Variants in AHRR observed in about 807,000 individuals in gnomAD.
AHRR encodes the protein aryl hydrocarbon receptor repressor.
AHRR carries 28 observed loss-of-function variants against 44.0 expected under a neutral mutation model. That is an observed-to-expected ratio of 0.64 (90% CI 0.47 to 0.87). The LOEUF (loss-of-function observed/expected upper bound fraction) is 0.87, where lower values mean the gene tolerates loss of function less well. Among genes scored for constraint, AHRR ranks in the 40% least tolerant of loss-of-function variants. The probability of loss-of-function intolerance (pLI) is 0.00; values close to 1 mark genes in which losing one functional copy is unlikely to be tolerated. For missense variants in AHRR, 990 were observed against 953.9 expected (o/e 1.04, Z -0.50); for synonymous variants, 434 against 407.0 (o/e 1.07, Z -0.80).
chr5:425,555 ATACT>A (rs1398775023), intron 7 of AHRR, among the ~76,000 whole-genome samples: 9 of 152,354 alleles, frequency 5.9e-5, no homozygotes, highest in South Asian at 2.1e-4. Context: ...GGAAATTAAG[ATACT>A]TACTTTTATT....
intron 2 of AHRR, among the ~76,000 whole-genome samples, chr5:351,155 G>A (rs1323595433): frequency 2.6e-5 from 4 of 152,212 alleles, no homozygotes; most frequent in African/African-American, 7.2e-5. Flanking sequence ...ATTGCCGATG[G>A]GAAAGTAAAA....
At chr5:330,499 G>A (rs6866896) in intron 1 of AHRR, among the ~76,000 whole-genome samples, 14,859 of 151,906 alleles carry the variant, frequency 0.098, 2,328 homozygotes, top group African/African-American at 0.33. Flanking sequence ...TCAGCCTCCC[G>A]AGTAGCTAGG....
At chr5:330,764 G>A (rs1741881382) in intron 1 of AHRR, among the ~76,000 whole-genome samples, 1 of 151,988 alleles carries the variant, frequency 6.6e-6, no homozygotes, top group African/African-American at 2.4e-5. Flanking sequence ...CGTGATATGG[G>A]CCTTCTAGAA....
chr5:376,552 A>ATGAGAACCGTGGGGTGATCGCGGG, intron 3 of AHRR, 58 bp from the exon 4 acceptor site: 1 of 1,409,246 alleles, frequency 7.1e-7, no homozygotes, highest in Non-Finnish European at 9.6e-7. Context: ...ATGTGAATGA[A>ATGAGAACCGTGGGGTGATCGCGGG]GAAGAGTGGC....
intron 3 of AHRR, among the ~76,000 whole-genome samples, chr5:372,219 A>G (rs1402502258): frequency 6.6e-6 from 1 of 152,060 alleles, no homozygotes; most frequent in Non-Finnish European, 1.5e-5. Flanking sequence ...CTGCTGATCC[A>G]TCCCTTGGCT....
intron 4 of AHRR, among the ~76,000 whole-genome samples, chr5:393,429 T>C (rs1734562552): frequency 6.6e-6 from 1 of 152,234 alleles, no homozygotes; most frequent in African/African-American, 2.4e-5. Flanking sequence ...CTGTGAAACC[T>C]TCTGGGCACC....
At chr5:371,629 C>T (rs1199129392) in intron 3 of AHRR, among the ~76,000 whole-genome samples, 1 of 152,186 alleles carries the variant, frequency 6.6e-6, no homozygotes, top group African/African-American at 2.4e-5. Flanking sequence ...TGTCCTGGGC[C>T]CACCTGTCCT....
chr5:345,331 TGG>T (rs1274135682), intron 2 of AHRR, among the ~76,000 whole-genome samples: 3 of 31,966 alleles, frequency 9.4e-5, no homozygotes, highest in Non-Finnish European at 6.7e-5. Context: ...TGTGTGTGTG[TGG>T]GGATGTGTGT....
chr5:347,392 G>T (rs555866731), intron 2 of AHRR, among the ~76,000 whole-genome samples: 4 of 152,278 alleles, frequency 2.6e-5, no homozygotes, highest in African/African-American at 9.6e-5. Flanking sequence ...CTTTACTTTT[G>T]TGGCTAATTT....
intron 4 of AHRR, among the ~76,000 whole-genome samples, chr5:391,753 C>A (rs1579657399): frequency 2.2e-4 from 1 of 4,570 alleles, no homozygotes; most frequent in Non-Finnish European, 4.0e-4. Flanking sequence ...CGAGGCAGGG[C>A]CAGAGCGTGC....
At chr5:343,360 G>C (rs1290790569) in intron 1 of AHRR, among the ~76,000 whole-genome samples, 2 of 144,370 alleles carry the variant, frequency 1.4e-5, no homozygotes, top group Non-Finnish European at 3.1e-5. Context: ...ACCTTCTCGG[G>C]GTGATGGGAA....
chr5:385,361 G>C (rs1342064594), intron 4 of AHRR, among the ~76,000 whole-genome samples: 2 of 152,038 alleles, frequency 1.3e-5, no homozygotes, highest in African/African-American at 2.4e-5. Flanking sequence ...TTTCTGTAGA[G>C]ATACAGGGTT....
chr5:344,699 G>T lies in AHRR; in HGVS notation c.62+735G>T, dbSNP rs1317710833. ...GTGGGTGTGTGTGTGTGAGGCTGTG[G>T]GGGGCTGTGTGTGGGGTGTGTGTGT... On this transcript the variant is annotated intron_variant, in intron 2 of 10. Coordinates refer to ENST00000684583, the MANE Select transcript of AHRR (RefSeq NM_001377236.1). Among the ~76,000 whole-genome samples the T allele has an allele frequency of 1.2e-3, 23 of 19,518 alleles. 8 individuals are homozygous for T. The highest frequency in any genetic ancestry group is 6.3e-3 in the African/African-American group (16 of 2,532). The allele number at this position is 19,518 out of a possible 152,430, so 12.8% of individuals were successfully genotyped here.
intron 4 of AHRR, among the ~76,000 whole-genome samples, chr5:377,760 G>A (rs568289863): frequency 3.9e-4 from 59 of 152,230 alleles, no homozygotes; most frequent in Non-Finnish European, 7.1e-4. Flanking sequence ...TGGAGCCTGC[G>A]GGAGGGAGGC....
intron 4 of AHRR, among the ~76,000 whole-genome samples, chr5:394,304 G>T (rs1415389856): frequency 1.4e-5 from 2 of 142,420 alleles, no homozygotes; most frequent in Non-Finnish European, 3.0e-5. Flanking sequence ...TCCTCCCTGT[G>T]TGCTGGAGCC....
At chr5:425,920 T>C (rs770991169) in intron 7 of AHRR, among the ~76,000 whole-genome samples, 2 of 152,212 alleles carry the variant, frequency 1.3e-5, no homozygotes, top group African/African-American at 2.4e-5. Context: ...TGGTGCAGTC[T>C]TGGCAATGCG....
intron 4 of AHRR, among the ~76,000 whole-genome samples, chr5:397,826 C>T: frequency 1.0e-5 from 1 of 99,908 alleles, no homozygotes; most frequent in Non-Finnish European, 2.1e-5. Flanking sequence ...TAGCTCCTGA[C>T]CGTCCATGTT....
At chr5:355,861 C>T (rs1381042246) in intron 3 of AHRR, among the ~76,000 whole-genome samples, 2 of 152,228 alleles carry the variant, frequency 1.3e-5, no homozygotes, top group Admixed American at 6.5e-5. Flanking sequence ...GAATAAACTT[C>T]CTGATTTTTC....
Position 415,509 on chromosome 5 carries a change from G to T in AHRR, c.441+2076G>T, listed in dbSNP as rs4956937. ...GCCTAGGGGCCGAGTCTCCCTGGTCGGGTGGGAGGCCTAGGGGCCGAGTCT... is the reference window on the plus strand; with the variant it reads ...GCCTAGGGGCCGAGTCTCCCTGGTCTGGTGGGAGGCCTAGGGGCCGAGTCT... On this transcript the variant is annotated intron_variant, in intron 5 of 10. Transcript: ENST00000684583. 1.1e-3 allele frequency among the ~76,000 whole-genome samples: 64 copies of T among 58,070 alleles called. 2 individuals are homozygous for T. Among genetic ancestry groups the T allele is most frequent in the Admixed American group, 2.3e-3 (15 of 6,556 alleles). 38.1% of individuals were successfully genotyped at this position (58,070 alleles called of 152,430 possible).
Sources: allele counts gnomAD v4.1 joint callset (sites outside exome capture counted in the v4.1 genomes callset), GRCh38; gene constraint gnomAD v4.1.1; transcripts MANE v1.5; gene names NCBI Gene and HGNC (gene_info 2026-07-23, HGNC 2026-07-21).